The following CHL1 variants were observed in gnomAD, a reference collection of about 807,000 sequenced individuals.
The protein encoded by CHL1 is neural cell adhesion molecule L1-like protein.
A neutral mutation model predicts 141.9 loss-of-function variants in CHL1; 96 were observed. The ratio of observed to expected loss-of-function variants is 0.68; its 90% CI spans 0.57 to 0.80. CHL1 has a LOEUF of 0.80. CHL1 is among the 30% of genes least tolerant of loss of function. The pLI, the probability that CHL1 is intolerant of heterozygous loss-of-function variation, is 0.00. For synonymous variants in CHL1, 613 were observed against 502.2 expected (o/e 1.22, Z -2.95); for missense variants, 1,820 against 1,457.2 (o/e 1.25, Z -4.05).
At chr3:374,827 A>T (rs1294049176) in intron 15 of CHL1, among the ~76,000 whole-genome samples, 1 of 152,172 alleles carries the variant, frequency 6.6e-6, no homozygotes, top group East Asian at 1.9e-4. Context: ...CAGTAACCTC[A>T]TACTTCTTAC....
chr3:320,302 C>G (rs1049494011), intron 3 of CHL1, among the ~76,000 whole-genome samples: 8 of 151,752 alleles, frequency 5.3e-5, no homozygotes, highest in African/African-American at 1.9e-4. Flanking sequence ...AGAATGAAAA[C>G]AATGAATTAG....
At chr3:297,754 T>C (rs925027056) in intron 2 of CHL1, among the ~76,000 whole-genome samples, 6 of 152,200 alleles carry the variant, frequency 3.9e-5, no homozygotes, top group Non-Finnish European at 7.3e-5. Context: ...TAAGCTTTTG[T>C]TAGCTTCAAA....
intron 2 of CHL1, among the ~76,000 whole-genome samples, chr3:268,991 T>TACATTGGTAACTAGATTGTTGTTG (rs1355971627): frequency 2.0e-5 from 3 of 152,200 alleles, no homozygotes; most frequent in Non-Finnish European, 4.4e-5. Flanking sequence ...CTGTTGTTGC[T>TACATTGGTAACTAGATTGTTGTTG]CTCAAATTGG....
chr3:232,110 G>A (rs115602149), intron 1 of CHL1, among the ~76,000 whole-genome samples: 3 of 151,626 alleles, frequency 2.0e-5, no homozygotes, highest in Admixed American at 6.6e-5. Flanking sequence ...CTTGGAATTC[G>A]TATATTCATC....
chr3:269,182 AAGG>A (rs1165382503), intron 2 of CHL1, among the ~76,000 whole-genome samples: 2 of 152,220 alleles, frequency 1.3e-5, no homozygotes, highest in Admixed American at 6.5e-5. Context: ...TGGAGGCAGG[AAGG>A]AGGAGAGTAG....
chr3:391,182 T>C (rs766884102), intron 22 of CHL1, 23 bp downstream of exon 22: 1 of 1,563,002 alleles, frequency 6.4e-7, no homozygotes, highest in Non-Finnish European at 8.8e-7. Flanking sequence ...TGATGTAGAG[T>C]CATGTCAAAA....
intron 1 of CHL1, among the ~76,000 whole-genome samples, chr3:226,324 T>C (rs899491479): frequency 1.3e-5 from 2 of 148,760 alleles, no homozygotes; most frequent in African/African-American, 4.9e-5. Context: ...TGAGCCACCA[T>C]GCCAGGCTGA....
intron 2 of CHL1, among the ~76,000 whole-genome samples, chr3:311,822 A>C (rs1055362067): frequency 1.3e-5 from 2 of 152,164 alleles, no homozygotes; most frequent in Non-Finnish European, 2.9e-5. Flanking sequence ...TTTAATTTGA[A>C]AAATAGTCCC....
intron 11 of CHL1, among the ~76,000 whole-genome samples, chr3:357,795 T>TA (rs1221989621): frequency 6.6e-6 from 1 of 152,206 alleles, no homozygotes; most frequent in African/African-American, 2.4e-5. Flanking sequence ...ATTTATATAG[T>TA]CTAATTTCTT....
intron 1 of CHL1, among the ~76,000 whole-genome samples, chr3:240,565 T>C (rs1692458473): frequency 1.3e-5 from 2 of 152,262 alleles, no homozygotes; most frequent in African/African-American, 4.8e-5. Flanking sequence ...TTTATTCTGC[T>C]GACTGTTCAT....
At chr3:336,786 T>C (rs1020030787) in intron 5 of CHL1, among the ~76,000 whole-genome samples, 3 of 152,228 alleles carry the variant, frequency 2.0e-5, no homozygotes, top group Non-Finnish European at 4.4e-5. Context: ...ATTGGGATGA[T>C]GAGTTTTCAA....
At chr3:371,855 T>A (rs1172806564) in intron 15 of CHL1, among the ~76,000 whole-genome samples, 1 of 152,216 alleles carries the variant, frequency 6.6e-6, no homozygotes, top group Non-Finnish European at 1.5e-5. Flanking sequence ...TATTTCTCCT[T>A]CACTTGTGAA....
At chr3:327,139 A>C (rs1028819782) in intron 4 of CHL1, among the ~76,000 whole-genome samples, 9 of 151,994 alleles carry the variant, frequency 5.9e-5, no homozygotes, top group African/African-American at 2.2e-4. Context: ...AAGTAAAATA[A>C]GTCAGGAGGG....
chr3:399,684 A>G (rs1160461102), intron 26 of CHL1, among the ~76,000 whole-genome samples: 1 of 152,136 alleles, frequency 6.6e-6, no homozygotes, highest in Non-Finnish European at 1.5e-5. Context: ...AAGGTTGATA[A>G]CACTTCCAAG....
At chr3:361,055 T>G (rs1704200125) in intron 12 of CHL1, among the ~76,000 whole-genome samples, 1 of 152,082 alleles carries the variant, frequency 6.6e-6, no homozygotes, top group Admixed American at 6.6e-5. Flanking sequence ...AAAACATACG[T>G]GTGCAGGTGT....
chr3:390,574 G>A (rs1035590448), intron 20 of CHL1, 127 bp from the exon 21 acceptor site: 4 of 616,282 alleles, frequency 6.5e-6, no homozygotes, highest in African/African-American at 1.8e-5. Context: ...AACTCTTTTG[G>A]TTCCATTTGG....
intron 15 of CHL1, among the ~76,000 whole-genome samples, chr3:372,477 C>G (rs1559325049): frequency 6.6e-6 from 1 of 152,186 alleles, no homozygotes; most frequent in Non-Finnish European, 1.5e-5. Flanking sequence ...ATATTCCTCT[C>G]TGAAATGGTT....
intron 2 of CHL1, among the ~76,000 whole-genome samples, chr3:263,284 G>T (rs1414745564): frequency 6.6e-6 from 1 of 151,996 alleles, no homozygotes; most frequent in South Asian, 2.1e-4. Context: ...TCCCCAGGGT[G>T]GTATAGGTAC....
At chr3:288,991 T>C (rs1472590439) in intron 2 of CHL1, among the ~76,000 whole-genome samples, 1 of 152,210 alleles carries the variant, frequency 6.6e-6, no homozygotes, top group Non-Finnish European at 1.5e-5. Context: ...TTCTTTCAGA[T>C]ACTTTTAATC....
Sources: gnomAD v4.1 joint callset for allele counts (sites outside exome capture counted in the v4.1 genomes callset) on GRCh38, gnomAD v4.1.1 for gene constraint, MANE v1.5 for transcripts, NCBI Gene and HGNC (gene_info 2026-07-23, HGNC 2026-07-21) for gene names.